The following GABBR2 variants were observed in gnomAD, a reference collection of about 807,000 sequenced individuals.
The protein encoded by GABBR2 is gamma-aminobutyric acid type B receptor subunit 2, also known as G-protein coupled receptor 51.
Under a neutral mutation model 105.6 loss-of-function variants are expected in GABBR2, and 23 were observed. That is an observed-to-expected ratio of 0.22 (90% CI 0.16 to 0.31). The LOEUF (loss-of-function observed/expected upper bound fraction) is 0.31. Ranked by LOEUF, GABBR2 falls within the 10% of genes least tolerant of loss-of-function variation. The probability of loss-of-function intolerance (pLI) is 1.00; values close to 1 mark genes in which losing one functional copy is unlikely to be tolerated. For synonymous variants in GABBR2, 478 were observed against 499.7 expected, an observed-to-expected ratio of 0.96 and a Z score of 0.58; for missense variants, 734 against 1,245.5, an observed-to-expected ratio of 0.59 and a Z score of 6.18.
intron 7 of GABBR2, among the ~76,000 whole-genome samples, chr9:98,428,542 G>A (rs1825739790): frequency 6.6e-6 from 1 of 152,176 alleles, no homozygotes; most frequent in Non-Finnish European, 1.5e-5. Flanking sequence ...GAAAAGTAGA[G>A]AGACAACACA....
chr9:98,313,591 C>T (rs912326764), intron 13 of GABBR2, among the ~76,000 whole-genome samples: 1 of 152,198 alleles, frequency 6.6e-6, no homozygotes, highest in South Asian at 2.1e-4. Flanking sequence ...CAAGCACAAA[C>T]TTACTAAGTA....
rs1293258438 is a variant in GABBR2 at position 98,328,443 on chromosome 9, T to G, written c.1894-17238A>C. Among the ~76,000 whole-genome samples the G allele has an allele frequency of 3.9e-5, 6 of 152,316 alleles. No individual in the cohort carries two copies. The East Asian group carries it at 1.2e-3, about 29-fold the overall frequency. On this transcript the variant is annotated intron_variant, in intron 13 of 18. Transcript: ENST00000259455. Reference sequence around the variant, plus strand: ...TGTTTACCGAGGCTCAAAGAATCCCTTTTAGAAATGGGAACTGGGCCCGCA... The same window carrying G: ...TGTTTACCGAGGCTCAAAGAATCCCGTTTAGAAATGGGAACTGGGCCCGCA...
intron 1 of GABBR2, among the ~76,000 whole-genome samples, chr9:98,586,178 C>T (rs16917415): frequency 0.034 from 5,197 of 152,116 alleles, 236 homozygotes; most frequent in African/African-American, 0.1. Context: ...AGCATCACAG[C>T]TATGTTGAAG....
chr9:98,519,552 G>A (rs1226415672), intron 3 of GABBR2, among the ~76,000 whole-genome samples: 1 of 152,240 alleles, frequency 6.6e-6, no homozygotes, highest in Non-Finnish European at 1.5e-5. Context: ...AAACCCAAAA[G>A]GTACAATTAT....
intron 3 of GABBR2, among the ~76,000 whole-genome samples, chr9:98,498,039 C>T (rs1827319328): frequency 6.6e-6 from 1 of 152,306 alleles, no homozygotes; most frequent in South Asian, 2.1e-4. Flanking sequence ...CAGTGAAATA[C>T]TATTCAGCCT....
At chr9:98,473,464 A>C (rs1826726403) in intron 5 of GABBR2, 118 bp from the exon 6 acceptor site, 1 of 649,778 alleles carries the variant, frequency 1.5e-6, no homozygotes, top group Non-Finnish European at 2.7e-6. Flanking sequence ...GAAATGTTTA[A>C]TTACTTGTTT....
intron 1 of GABBR2, among the ~76,000 whole-genome samples, chr9:98,678,031 G>A (rs548887003): frequency 6.6e-6 from 1 of 152,120 alleles, no homozygotes; most frequent in Admixed American, 6.5e-5. Context: ...TCCTTTATCA[G>A]CACGCAAGCT....
At chr9:98,663,796 TATA>T (rs1452156357) in intron 1 of GABBR2, among the ~76,000 whole-genome samples, 3 of 151,970 alleles carry the variant, frequency 2.0e-5, no homozygotes. Flanking sequence ...AACAAATATA[TATA>T]ATAATGACTC....
At chr9:98,623,426 C>T (rs1009477163) in intron 1 of GABBR2, among the ~76,000 whole-genome samples, 3 of 152,168 alleles carry the variant, frequency 2.0e-5, no homozygotes, top group Non-Finnish European at 4.4e-5. Flanking sequence ...AAGACCCTGT[C>T]TCAAAAATAA....
chr9:98,460,514 TAAAG>T (rs1211456031), intron 6 of GABBR2, among the ~76,000 whole-genome samples: 2 of 151,448 alleles, frequency 1.3e-5, no homozygotes, highest in African/African-American at 4.8e-5. Flanking sequence ...ACAATTGAAA[TAAAG>T]AATTCAATAG....
chr9:98,519,249 C>T (rs547145439), intron 3 of GABBR2, among the ~76,000 whole-genome samples: 1 of 152,356 alleles, frequency 6.6e-6, no homozygotes, highest in East Asian at 1.9e-4. Context: ...AATGAGACCA[C>T]AGGACACCCT....
chr9:98,700,081 C>A (rs930621118), intron 1 of GABBR2, among the ~76,000 whole-genome samples: 1 of 152,274 alleles, frequency 6.6e-6, no homozygotes, highest in African/African-American at 2.4e-5. Context: ...TCTGCTAACC[C>A]CTCCTGTGGC....
chr9:98,537,362 G>T (rs949446685), intron 3 of GABBR2, among the ~76,000 whole-genome samples: 7 of 152,166 alleles, frequency 4.6e-5, no homozygotes, highest in African/African-American at 1.7e-4. Flanking sequence ...TGGGGCTGGG[G>T]GGTGGAACTG....
chr9:98,685,944 C>T (rs1830615162), intron 1 of GABBR2, among the ~76,000 whole-genome samples: 1 of 152,172 alleles, frequency 6.6e-6, no homozygotes, highest in Non-Finnish European at 1.5e-5. Flanking sequence ...CCGCCTTGGC[C>T]TCACAAAGTA....
chr9:98,543,858 C>T (rs1234636634), intron 2 of GABBR2, among the ~76,000 whole-genome samples: 3 of 151,128 alleles, frequency 2.0e-5, no homozygotes, highest in South Asian at 2.1e-4. Flanking sequence ...TTTATAGTGC[C>T]GTTTCCAGGT....
chr9:98,409,312 C>T (rs1394783343), intron 7 of GABBR2, among the ~76,000 whole-genome samples: 2 of 152,324 alleles, frequency 1.3e-5, no homozygotes, highest in East Asian at 3.9e-4. Context: ...GAAGATTGCA[C>T]TGTCTGTGGG....
rs949462959 is a variant in GABBR2 at position 98,496,645 on chromosome 9, T to A, written c.631-131A>T. ...ACCGACAATGCAAAGTGAGTGGTTT[T>A]GTTTTACATTATTAACTAGACCGCC... is the stretch of plus-strand genomic sequence containing the variant. On this transcript the variant is annotated intron_variant, in intron 3 of 18. Coordinates refer to ENST00000259455, the MANE Select transcript of GABBR2 (RefSeq NM_005458.8). 13 of 669,236 alleles carry A rather than the reference T, an allele frequency of 1.9e-5. No homozygotes were observed. In the African/African-American group the frequency reaches 2.3e-4, roughly 12 times the overall value. 41.5% of individuals were successfully genotyped at this position (669,236 alleles called of 1,614,324 possible). A position where few individuals can be genotyped will look rare whatever the true frequency, so the allele number is the denominator to read the frequency against.
intron 6 of GABBR2, among the ~76,000 whole-genome samples, chr9:98,467,032 G>A (rs767302835): frequency 1.3e-5 from 2 of 152,102 alleles, no homozygotes; most frequent in African/African-American, 2.4e-5. Flanking sequence ...AAAAAGAAAG[G>A]CCATATCCCC....
chr9:98,563,581 G>A (rs1016464231), intron 2 of GABBR2, among the ~76,000 whole-genome samples: 1 of 152,152 alleles, frequency 6.6e-6, no homozygotes, highest in Admixed American at 6.5e-5. Flanking sequence ...AAGACACCCC[G>A]GATGTGAAGG....
Sources: gnomAD v4.1 joint callset for allele counts (sites outside exome capture counted in the v4.1 genomes callset) on GRCh38, gnomAD v4.1.1 for gene constraint, MANE v1.5 for transcripts, NCBI Gene and HGNC (gene_info 2026-07-23, HGNC 2026-07-21) for gene names.